SHROOM2: variants seen among roughly 807,000 people sequenced by gnomAD.
SHROOM2 encodes the protein protein Shroom2.
A neutral mutation model predicts 75.9 loss-of-function variants in SHROOM2; 33 were observed. That is an observed-to-expected ratio of 0.43 (90% CI 0.33 to 0.58). The LOEUF (loss-of-function observed/expected upper bound fraction) is 0.58. Among genes scored for constraint, SHROOM2 ranks in the 20% least tolerant of loss-of-function variants. The pLI is 0.04. For synonymous variants in SHROOM2, 655 were observed against 663.6 expected (o/e 0.99, Z 0.20); for missense variants, 1,434 against 1,461.2 (o/e 0.98, Z 0.30).
chrX:9,924,451 G>A lies in SHROOM2; in HGVS notation c.2892-7724G>A, dbSNP rs111758538. ...GCTCACTGCAGCCTCCAACTCCTGG[G>A]CTCAAGCAATCCTCCCGCTTCAGCC... On this transcript the variant is annotated intron_variant, in intron 5 of 9. Transcript: ENST00000380913. Among the ~76,000 whole-genome samples, 1,015 of 111,617 alleles carry A rather than the reference G, an allele frequency of 9.1e-3. 19 individuals are homozygous for A. Among genetic ancestry groups the A allele is most frequent in the African/African-American group, 0.031 (956 of 30,629 alleles).
intron 1 of SHROOM2, among the ~76,000 whole-genome samples, chrX:9,806,672 A>G (rs1222434503): frequency 4.5e-5 from 4 of 89,680 alleles, no homozygotes; most frequent in African/African-American, 1.3e-4. Context: ...ATGTGTGTGT[A>G]TATATATATA....
intron 9 of SHROOM2, among the ~76,000 whole-genome samples, chrX:9,945,242 G>A (rs902156812): frequency 1.8e-5 from 2 of 110,425 alleles, no homozygotes; most frequent in Admixed American, 9.7e-5. Flanking sequence ...CCGGGTAGCT[G>A]AGCTCCCAGG....
At chrX:9,818,632 C>A in intron 1 of SHROOM2, 1 of 334,549 alleles carries the variant, frequency 3.0e-6, no homozygotes. Flanking sequence ...AGAAATGGTG[C>A]CTGTATTTCT....
At chrX:9,809,792 C>T (rs2083782064) in intron 1 of SHROOM2, among the ~76,000 whole-genome samples, 1 of 112,136 alleles carries the variant, frequency 8.9e-6, no homozygotes, top group African/African-American at 3.2e-5. Flanking sequence ...CCTCAGCCTC[C>T]CGAGTAGCTG....
intron 1 of SHROOM2, among the ~76,000 whole-genome samples, chrX:9,860,242 G>A (rs192717015): frequency 8.9e-6 from 1 of 111,933 alleles, no homozygotes; most frequent in East Asian, 2.8e-4. Context: ...TGTCAATAGT[G>A]CTGAGGTGGA....
chrX:9,862,689 C>T (rs780049436), intron 1 of SHROOM2, among the ~76,000 whole-genome samples: 4 of 112,054 alleles, frequency 3.6e-5, no homozygotes, highest in African/African-American at 6.5e-5. Flanking sequence ...TTCCACCGCC[C>T]GCGTGCCTCC....
At chrX:9,793,053 T>C (rs975963076) in intron 1 of SHROOM2, among the ~76,000 whole-genome samples, 2 of 111,327 alleles carry the variant, frequency 1.8e-5, no homozygotes, top group African/African-American at 3.3e-5. Context: ...TTTATCAAAG[T>C]GGCTCTTGCA....
At chrX:9,817,377 A>C (rs180783462) in intron 1 of SHROOM2, among the ~76,000 whole-genome samples, 1 of 110,669 alleles carries the variant, frequency 9.0e-6, no homozygotes, top group African/African-American at 3.3e-5. Flanking sequence ...TTTACTAGTA[A>C]GTGCACCCTT....
In SHROOM2 at chrX:9,890,953, C is replaced by T. The variant is rs766174687; in HGVS notation, c.318-24C>T. 9 of 1,184,907 alleles carry T rather than the reference C, an allele frequency of 7.6e-6. 1 individual carries two copies. In the South Asian group the frequency reaches 7.7e-5, roughly 10 times the overall value. ...GCGCTGTGTGCAGTCCCTGACCCCC[C>T]GCCTCCCCTGCGTTCTTTTCTAGGA... On this transcript the variant is annotated intron_variant, in intron 2 of 9. Transcript: ENST00000380913.
intron 1 of SHROOM2, among the ~76,000 whole-genome samples, chrX:9,791,685 T>C (rs1006864259): frequency 2.7e-5 from 3 of 111,319 alleles, no homozygotes; most frequent in Non-Finnish European, 5.6e-5. Context: ...TGTTGCTCTT[T>C]TAGGCCTTTA....
At chrX:9,812,436 C>T (rs1156718818) in intron 1 of SHROOM2, among the ~76,000 whole-genome samples, 4 of 112,208 alleles carry the variant, frequency 3.6e-5, no homozygotes, top group Non-Finnish European at 7.5e-5. Context: ...CAAATAGGCC[C>T]ACTAAGCGTT....
intron 5 of SHROOM2, among the ~76,000 whole-genome samples, chrX:9,918,754 T>A (rs1251415625): frequency 3.6e-5 from 4 of 111,944 alleles, no homozygotes; most frequent in Admixed American, 9.4e-5. Flanking sequence ...CCTCCCAAAG[T>A]GCTGGGATTA....
chrX:9,786,927 G>A (rs751021896), intron 1 of SHROOM2, among the ~76,000 whole-genome samples: 4 of 111,574 alleles, frequency 3.6e-5, no homozygotes, highest in African/African-American at 9.7e-5. Flanking sequence ...GCTCCTGCCC[G>A]GAGTCCCTTT....
At chrX:9,875,729 A>G (rs1220600655) in intron 2 of SHROOM2, among the ~76,000 whole-genome samples, 2 of 112,747 alleles carry the variant, frequency 1.8e-5, no homozygotes, top group Admixed American at 1.9e-4. Flanking sequence ...CATCATCTCT[A>G]GCATAGGATA....
chrX:9,871,190 A>AT (rs372112622), intron 1 of SHROOM2, among the ~76,000 whole-genome samples: 155 of 111,841 alleles, frequency 1.4e-3, no homozygotes, highest in African/African-American at 4.9e-3. Context: ...GGATACTCTT[A>AT]TTTGGTTCAG....
chrX:9,869,722 G>T (rs1221504921), intron 1 of SHROOM2, among the ~76,000 whole-genome samples: 1 of 112,187 alleles, frequency 8.9e-6, no homozygotes, highest in East Asian at 2.8e-4. Context: ...TTCACCTGTT[G>T]ATTGACATTT....
At chrX:9,937,063 C>G in intron 6 of SHROOM2, 71 bp from the exon 7 acceptor site, 1 of 1,042,026 alleles carries the variant, frequency 9.6e-7, no homozygotes, top group Non-Finnish European at 1.3e-6. Flanking sequence ...GAGGGGAGGG[C>G]AGGGGACACG....
intron 5 of SHROOM2, among the ~76,000 whole-genome samples, chrX:9,917,985 G>A (rs760346062): frequency 1.8e-5 from 2 of 112,094 alleles, no homozygotes; most frequent in Non-Finnish European, 3.8e-5. Flanking sequence ...TGGAGCTGGG[G>A]CTGTCCACCT....
At chrX:9,828,024 C>T (rs1343541899) in intron 1 of SHROOM2, among the ~76,000 whole-genome samples, 1 of 112,393 alleles carries the variant, frequency 8.9e-6, no homozygotes, top group Non-Finnish European at 1.9e-5. Context: ...TAAAGAATTA[C>T]CTAAGACTGG....
Sources: allele counts gnomAD v4.1 joint callset (sites outside exome capture counted in the v4.1 genomes callset), GRCh38; gene constraint gnomAD v4.1.1; transcripts MANE v1.5; gene names NCBI Gene and HGNC (gene_info 2026-07-23, HGNC 2026-07-21).